PLSCR3: variants seen among roughly 807,000 people sequenced by gnomAD.
The protein encoded by PLSCR3 is phospholipid scramblase 3.
Under a neutral mutation model 33.7 loss-of-function variants are expected in PLSCR3, and 17 were observed. That is an observed-to-expected ratio of 0.50 (90% CI 0.35 to 0.76). The LOEUF is 0.76. PLSCR3 is among the 30% of genes least tolerant of loss of function. PLSCR3 has a pLI of 0.01. For missense variants in PLSCR3, 360 were observed against 394.1 expected, an observed-to-expected ratio of 0.91 and a Z score of 0.73; for synonymous variants, 166 against 166.0, an observed-to-expected ratio of 1.00 and a Z score of 0.00.
Position 7,393,250 on chromosome 17 carries a change from C to T in PLSCR3, c.401G>A (p.Arg134His), listed in dbSNP as rs1047149521. 1.3e-6 allele frequency: 2 copies of T among 1,594,458 alleles called. No individual in the cohort carries two copies. The highest frequency in any genetic ancestry group is 1.7e-6 in the Non-Finnish European group (2 of 1,175,588). Residue 134 changes from arginine to histidine, a missense_variant, in exon 5 of 8, where the codon CGC becomes CAC. Coordinates refer to ENST00000619711, the MANE Select transcript of PLSCR3 (RefSeq NM_020360.4). ...NCCARLCCGA[R>H]RPLRVRLADP... ...GGCCAGGCGGACACGCAGCGGCCGGCGGGCGCCACAGCACAGACGGGCGCA... is the reference window on the plus strand; with the variant it reads ...GGCCAGGCGGACACGCAGCGGCCGGTGGGCGCCACAGCACAGACGGGCGCA...
chr17:7,390,499 ACAGG>A, intron 7 of PLSCR3, 58 bp from the exon 8 acceptor site: 1 of 1,569,094 alleles, frequency 6.4e-7, no homozygotes, highest in Non-Finnish European at 8.7e-7. Context: ...CTTGGCTGTC[ACAGG>A]CCAGCTCTAG....
rs905612110 is a variant in PLSCR3, at chr17:7,390,762, G to A, written c.703C>T (p.Arg235Cys). Residue 235 changes from arginine (R) to cysteine (C), a missense_variant, in exon 7 of 8, where the codon CGC (arginine) becomes TGC (cysteine). Arg to Cys is a radical substitution (Grantham distance 180). Transcript: ENST00000619711. ...KTRDESRSVGRISKQWGGLVR... is the reference protein window; with the variant it reads ...KTRDESRSVGCISKQWGGLVR... Reference sequence around the variant, plus strand: ...AGGCCCCCCCACTGCTTGCTGATGCGGCCCACACTGCGGGATTCATCCCGA... The same window carrying A: ...AGGCCCCCCCACTGCTTGCTGATGCAGCCCACACTGCGGGATTCATCCCGA... 11 of 1,613,952 alleles carry A rather than the reference G, an allele frequency of 6.8e-6. No homozygotes were observed. The East Asian group carries it at 8.9e-5, about 13-fold the overall frequency.
chr17:7,392,775 C>G lies in PLSCR3; in HGVS notation c.669+16G>C, dbSNP rs997027139. 4 of 1,612,986 alleles carry G rather than the reference C, an allele frequency of 2.5e-6. No individual in the cohort carries two copies. Among genetic ancestry groups the G allele is most frequent in the Non-Finnish European group, 3.4e-6 (4 of 1,179,502 alleles). On this transcript the variant is annotated intron_variant, in intron 6 of 7. Coordinates refer to ENST00000619711, the MANE Select transcript of PLSCR3 (RefSeq NM_020360.4). Reference sequence around the variant, plus strand: ...TGGTTTACGAAGGTCCCAAGAGCCTCTAGTATTCCTGATACCTCAAAGTTG... The same window carrying G: ...TGGTTTACGAAGGTCCCAAGAGCCTGTAGTATTCCTGATACCTCAAAGTTG...
intron 6 of PLSCR3, 47 bp downstream of exon 6, chr17:7,392,744 T>G: frequency 6.4e-7 from 1 of 1,568,552 alleles, no homozygotes; most frequent in South Asian, 1.1e-5. Context: ...CATGGAAGCA[T>G]CATCTTGGTT....
intron 5 of PLSCR3, 25 bp downstream of exon 5, chr17:7,393,119 C>T (rs761702261): frequency 1.0e-5 from 14 of 1,338,938 alleles, no homozygotes; most frequent in East Asian, 2.5e-5. Flanking sequence ...AAGGCCCGCC[C>T]TCCCGGCCCC....
At position 7,390,212 on chromosome 17, in the gene PLSCR3, C is replaced by A. The variant is rs1905542934; in HGVS notation, c.*173G>T. 3.5e-6 allele frequency: 2 copies of A among 565,512 alleles called. No homozygotes were observed. Among genetic ancestry groups the A allele is most frequent in the Non-Finnish European group, 3.2e-6 (1 of 317,126 alleles). 35.0% of individuals were successfully genotyped at this position (565,512 alleles called of 1,614,324 possible). On this transcript the variant is annotated 3_prime_UTR_variant, in exon 8 of 8. Coordinates refer to ENST00000619711, the MANE Select transcript of PLSCR3 (RefSeq NM_020360.4). ...AGCAGGAGAGCGGCTCTCATACATA[C>A]CCCTCCTTGGGAACCACAGGGGCAG...
chr17:7,393,437 G>A, intron 4 of PLSCR3, 30 bp downstream of exon 4: 1 of 1,613,868 alleles, frequency 6.2e-7, no homozygotes, highest in Non-Finnish European at 8.5e-7. Context: ...CCACCATCAT[G>A]AGGTCCAACC....
At chr17:7,393,112 G>A in intron 5 of PLSCR3, 32 bp downstream of exon 5, 3 of 1,256,054 alleles carry the variant, frequency 2.4e-6, no homozygotes, top group Non-Finnish European at 3.2e-6. Context: ...CCCCACCAAG[G>A]CCCGCCCTCC....
rs1046914403 is a variant in PLSCR3, at chr17:7,393,026, A to C, written c.508-74T>G. On this transcript the variant is annotated intron_variant, in intron 5 of 7. Transcript: ENST00000619711. ...TCTATCATCTGTCTATTTGGCCCTC[A>C]CTAAACCTCCCATCCCCACCTGCCC... is the stretch of plus-strand genomic sequence containing the variant. The C allele has an allele frequency of 1.4e-5, 22 of 1,529,976 alleles. No individual in the cohort carries two copies. The Admixed American group carries it at 4.2e-4, about 29-fold the overall frequency. The allele number at this position is 1,529,976 out of a possible 1,614,324, so 94.8% of individuals were successfully genotyped here.
Position 7,390,255 on chromosome 17 carries a change from T to G in PLSCR3, c.*130A>C, listed in dbSNP as rs1597689620. 1.6e-6 allele frequency: 1 copy of G among 641,068 alleles called. No homozygotes were observed. 39.7% of individuals were successfully genotyped at this position (641,068 alleles called of 1,614,324 possible). On this transcript the variant is annotated 3_prime_UTR_variant, in exon 8 of 8. Coordinates refer to ENST00000619711, the MANE Select transcript of PLSCR3 (RefSeq NM_020360.4). Reference sequence around the variant, plus strand: ...AGGGGCAGGCGGCCAGGGAGTAGGGTAGGGATGGGGCCCCCCTTCTGTCCC... The same window carrying G: ...AGGGGCAGGCGGCCAGGGAGTAGGGGAGGGATGGGGCCCCCCTTCTGTCCC...
At position 7,391,934 on chromosome 17, in the gene PLSCR3, C is replaced by T. The variant is rs1905733498; in HGVS notation, c.669+857G>A. On this transcript the variant is annotated intron_variant, in intron 6 of 7. Coordinates refer to ENST00000619711, the MANE Select transcript of PLSCR3 (RefSeq NM_020360.4). This position sits in a 1 kb window ranked among gnomAD's most constrained non-coding sequence, Gnocchi z 4.1. ...GGTGCGGTGGCTCACGCCTGTAATC[C>T]CAGCACTTTGGGAGGCTGAGGTGGG... is the stretch of plus-strand genomic sequence containing the variant. Among the ~76,000 whole-genome samples the T allele has an allele frequency of 6.6e-6, 1 of 152,032 alleles. No individual in the cohort carries two copies. The highest frequency in any genetic ancestry group is 2.4e-5 in the African/African-American group (1 of 41,388).
rs199962387 is a variant in PLSCR3, at chr17:7,393,615, C to G, written c.229G>C (p.Glu77Gln). The change falls in exon 3 of 8, where the codon GAA becomes CAA. Residue 77 changes from glutamate (E) to glutamine (Q), a missense_variant. Coordinates refer to ENST00000619711, the MANE Select transcript of PLSCR3 (RefSeq NM_020360.4). ...TTCCCACTCACCTGCACCAGGAATT[C>G]GAGGCCAGAAGGCACCCCTGGCAGT... ...LPLPGVPSGLEFLVQIDQILI... is the reference protein window; with the variant it reads ...LPLPGVPSGLQFLVQIDQILI... 6.2e-7 allele frequency: 1 copy of G among 1,612,738 alleles called. No homozygotes were observed. The highest frequency in any genetic ancestry group is 1.3e-5 in the African/African-American group (1 of 75,068).
Position 7,393,832 on chromosome 17 carries a change from G to A in PLSCR3, c.12C>T (p.Tyr4=). The A allele has an allele frequency of 1.3e-6, 2 of 1,485,360 alleles. No individual in the cohort carries two copies. The highest frequency in any genetic ancestry group is 9.0e-7 in the Non-Finnish European group (1 of 1,112,184). 92.0% of individuals were successfully genotyped at this position (1,485,360 alleles called of 1,614,324 possible). MAG[Y]LPPKGYAPSP... is the part of the protein sequence containing the mutation. The stretch of plus-strand genomic sequence containing the variant: ...AAGGGGCGTAGCCTTTGGGGGGCAA[G>A]TAGCCTGTAAAGCGGTGGGAGCAGG... Residue 4 remains tyrosine, a synonymous_variant, in exon 3 of 8, where the codon TAC becomes TAT. Coordinates refer to ENST00000619711, the MANE Select transcript of PLSCR3 (RefSeq NM_020360.4).
chr17:7,390,648 C>A lies in PLSCR3; in HGVS notation c.817G>T (p.Ala273Ser), dbSNP rs1905601550. ...DVRVKAVLLG[A>S]TFLIDYMFFE... ...AGCCAACTCACAATGAGGAATGTGG[C>A]TCCCAGCAGCACAGCCTTCACCCTC... The change falls in exon 7 of 8, where the codon GCC becomes TCC. Residue 273 changes from alanine (A) to serine (S), a missense_variant. Transcript: ENST00000619711. 6.2e-7 allele frequency: 1 copy of A among 1,613,906 alleles called. No homozygotes were observed. Among genetic ancestry groups the A allele is most frequent in the African/African-American group, 1.3e-5 (1 of 74,934 alleles).
chr17:7,392,959 G>A lies in PLSCR3; in HGVS notation c.508-7C>T. On this transcript the variant is annotated splice_region_variant and splice_polypyrimidine_tract_variant and intron_variant, in intron 5 of 7. Transcript: ENST00000619711. ...GTGGAGCCTGTACTTCCATCTGGGA[G>A]TGGGAAGCAGACAGGGTCACTGCGG... 6.2e-7 allele frequency: 1 copy of A among 1,608,258 alleles called. No individual in the cohort carries two copies. Among genetic ancestry groups the A allele is most frequent in the Non-Finnish European group, 8.5e-7 (1 of 1,176,228 alleles).
Position 7,390,322 on chromosome 17 carries a change from C to T in PLSCR3, c.*63G>A, listed in dbSNP as rs1905555716. The T allele has an allele frequency of 7.7e-7, 1 of 1,295,742 alleles. No individual in the cohort carries two copies. Among genetic ancestry groups the T allele is most frequent in the Non-Finnish European group, 1.1e-6 (1 of 932,024 alleles). The allele number at this position is 1,295,742 out of a possible 1,614,324, so 80.3% of individuals were successfully genotyped here. A position where few individuals can be genotyped will look rare whatever the true frequency, so the allele number is the denominator to read the frequency against. On this transcript the variant is annotated 3_prime_UTR_variant, in exon 8 of 8. Transcript: ENST00000619711. ...GGAAAGGGGCTGCCCAGAGGAGGGG[C>T]CAGGGCAGGTGACCATCTGGAGTTC...
At position 7,394,217 on chromosome 17, in the gene PLSCR3, C is replaced by T. The variant is rs888340674; in HGVS notation, c.-107G>A. ...ACAGACACAGAGACAGACACAAAGA[C>T]GGAGAGGCAGCTGCGCCCGGCGCCG... On this transcript the variant is annotated 5_prime_UTR_variant, in exon 2 of 8. Transcript: ENST00000619711. This position sits in a 1 kb window ranked among gnomAD's most constrained non-coding sequence, Gnocchi z 5.3. 44 of 1,123,816 alleles carry T rather than the reference C, an allele frequency of 3.9e-5. No individual in the cohort carries two copies. The highest frequency in any genetic ancestry group is 5.5e-5 in the Non-Finnish European group (42 of 761,520). 69.6% of individuals were successfully genotyped at this position (1,123,816 alleles called of 1,614,324 possible).
intron 6 of PLSCR3, 55 bp downstream of exon 6, chr17:7,392,736 T>C (rs1287005472): frequency 1.3e-5 from 20 of 1,537,338 alleles, no homozygotes; most frequent in Non-Finnish European, 1.7e-5. Context: ...TCCTGCCTCA[T>C]GGAAGCATCA....
intron 5 of PLSCR3, 25 bp from the exon 6 acceptor site, chr17:7,392,977 C>G: frequency 1.3e-6 from 2 of 1,598,664 alleles, no homozygotes; most frequent in Non-Finnish European, 1.7e-6. Flanking sequence ...CAGACAGGGT[C>G]ACTGCGGAGG....
Sources: gnomAD v4.1 joint callset for allele counts (sites outside exome capture counted in the v4.1 genomes callset) on GRCh38, gnomAD v4.1.1 for gene constraint, Gnocchi (gnomAD v3.1) non-coding constraint, MANE v1.5 for transcripts, NCBI Gene and HGNC (gene_info 2026-07-23, HGNC 2026-07-21) for gene names.